The following PCDHAC1 variants were observed in gnomAD, a reference collection of about 807,000 sequenced individuals.
PCDHAC1 encodes the protein protocadherin alpha subfamily C, 1, also known as protocadherin alpha-C1.
A neutral mutation model predicts 60.0 loss-of-function variants in PCDHAC1; 42 were observed. The observed-to-expected ratio is 0.70, with a 90% CI of 0.55 to 0.90. The LOEUF (loss-of-function observed/expected upper bound fraction) is 0.90, where lower values mean the gene tolerates loss of function less well. Ranked by LOEUF, PCDHAC1 falls within the 40% of genes least tolerant of loss-of-function variation. The probability of loss-of-function intolerance (pLI) is 0.00; values close to 1 mark genes in which losing one functional copy is unlikely to be tolerated. For missense variants in PCDHAC1, 1,160 were observed against 1,222.3 expected, an observed-to-expected ratio of 0.95 and a Z score of 0.76; for synonymous variants, 468 against 499.3, an observed-to-expected ratio of 0.94 and a Z score of 0.84.
intron 2 of PCDHAC1, among the ~76,000 whole-genome samples, chr5:140,981,529 G>A (rs1014315292): frequency 3.9e-5 from 6 of 152,196 alleles, no homozygotes; most frequent in East Asian, 1.9e-4. Flanking sequence ...AGCTGAGATC[G>A]TGCCACTGTA....
intron 1 of PCDHAC1, among the ~76,000 whole-genome samples, chr5:140,932,118 A>C (rs2088050775): frequency 6.6e-6 from 1 of 151,946 alleles, no homozygotes; most frequent in African/African-American, 2.4e-5. Flanking sequence ...CCAATTGATA[A>C]TATTTAAGAT....
rs571694728 is a variant in PCDHAC1, at chr5:140,949,343, CTG to C, written c.2433+20022_2433+20023del. Among the ~76,000 whole-genome samples the C allele has an allele frequency of 8.0e-4, 121 of 151,818 alleles. 1 individual carries two copies. Among genetic ancestry groups the C allele is most frequent in the Admixed American group, 3.5e-3 (54 of 15,258 alleles). On this transcript the variant is annotated intron_variant, in intron 1 of 3. Transcript: ENST00000253807. ...TATAAATTATTGTTATCCAGATTTT[CTG>C]TGTCTTTATTTTTTTGTCTAGTTGT...
At chr5:140,981,289 C>G (rs1554242771) in intron 2 of PCDHAC1, among the ~76,000 whole-genome samples, 1 of 152,138 alleles carries the variant, frequency 6.6e-6, no homozygotes, top group Non-Finnish European at 1.5e-5. Flanking sequence ...AAAGGGTCCT[C>G]TAGTCTAGGT....
In PCDHAC1 at chr5:140,928,149, T is replaced by G. The variant is rs782254175; in HGVS notation, c.1257T>G (p.Asp419Glu). 3 of 1,614,194 alleles carry G rather than the reference T, an allele frequency of 1.9e-6. No homozygotes were observed. The highest frequency in any genetic ancestry group is 2.5e-6 in the Non-Finnish European group (3 of 1,180,046). ...ACCAAGTCCTGATCACGGCCTCAGA[T>G]AGTGGCTCACCCCCACTTAGCACCC... ...SEYQVLITAS[D>E]SGSPPLSTRR... Residue 419 changes from aspartate to glutamate, a missense_variant, in exon 1 of 4, where the codon GAT becomes GAG. Physicochemically the swap from Asp to Glu is conservative, Grantham distance 45. This residue lies in a region of PCDHAC1 where 1,113 missense variants were observed against 1,163.7 expected (regional missense o/e 0.96). Coordinates refer to ENST00000253807, the MANE Select transcript of PCDHAC1 (RefSeq NM_018898.5).
At chr5:140,994,433 T>G (rs2097622592) in intron 3 of PCDHAC1, among the ~76,000 whole-genome samples, 1 of 152,204 alleles carries the variant, frequency 6.6e-6, no homozygotes, top group African/African-American at 2.4e-5. Flanking sequence ...CCGGGCGCAG[T>G]GGCTCACACC....
chr5:140,952,192 G>T (rs572613863), intron 1 of PCDHAC1, among the ~76,000 whole-genome samples: 3 of 152,080 alleles, frequency 2.0e-5, no homozygotes, highest in Non-Finnish European at 4.4e-5. Context: ...TCATGGGTTG[G>T]TGTTGAATGC....
At chr5:140,995,559 A>G (rs2097689300) in intron 3 of PCDHAC1, among the ~76,000 whole-genome samples, 1 of 152,242 alleles carries the variant, frequency 6.6e-6, no homozygotes, top group South Asian at 2.1e-4. Context: ...TGTACTGAAT[A>G]ATATGTCAAG....
At chr5:141,003,173 G>A (rs782452600) in intron 3 of PCDHAC1, among the ~76,000 whole-genome samples, 6 of 152,174 alleles carry the variant, frequency 3.9e-5, no homozygotes, top group Non-Finnish European at 5.9e-5. Context: ...AGTCCCTGAG[G>A]CTCAACTCCA....
At chr5:140,997,688 G>C (rs1232415745) in intron 3 of PCDHAC1, among the ~76,000 whole-genome samples, 1 of 151,990 alleles carries the variant, frequency 6.6e-6, no homozygotes, top group Non-Finnish European at 1.5e-5. Context: ...GTGTGTGTGT[G>C]TGTGTGTGTA....
At chr5:140,981,583 T>TA (rs2096939530) in intron 2 of PCDHAC1, among the ~76,000 whole-genome samples, 1 of 152,098 alleles carries the variant, frequency 6.6e-6, no homozygotes, top group Non-Finnish European at 1.5e-5. Flanking sequence ...CAAAAATAAA[T>TA]AAAATAAAAC....
Position 141,009,626 on chromosome 5 carries a change from G to C in PCDHAC1, c.2582-1G>C, listed in dbSNP as rs782621388. The C allele has an allele frequency of 1.9e-6, 3 of 1,612,816 alleles. No individual in the cohort carries two copies. Among genetic ancestry groups the C allele is most frequent in the Non-Finnish European group, 2.5e-6 (3 of 1,179,228 alleles). On this transcript the variant is annotated splice_acceptor_variant, in intron 3 of 3. Transcript: ENST00000253807. LOFTEE classifies it high-confidence loss of function. ...ATGATTTGTAATGTTTTGTCTTTCA[G>C]AACCAGAGGCAGGAGAAGTGTCCCC...
intron 3 of PCDHAC1, among the ~76,000 whole-genome samples, chr5:141,006,727 G>A (rs2098285106): frequency 6.6e-6 from 1 of 152,080 alleles, no homozygotes. Context: ...AGAAATGACA[G>A]GTCTTGATGA....
intron 3 of PCDHAC1, among the ~76,000 whole-genome samples, chr5:141,000,383 CTCTCTCTCTCTCTATA>C (rs1346959358): frequency 3.2e-5 from 2 of 63,198 alleles, no homozygotes; most frequent in African/African-American, 1.4e-4. Context: ...CTCTCTCTCT[CTCTCTCTCTCTCTATA>C]TATATATATA....
intron 1 of PCDHAC1, among the ~76,000 whole-genome samples, chr5:140,960,335 G>T (rs1362472967): frequency 1.3e-5 from 2 of 152,148 alleles, no homozygotes; most frequent in African/African-American, 4.8e-5. Context: ...AGAAGTACAT[G>T]AGGTGAGATA....
At chr5:140,982,447 C>G (rs782801484) in intron 2 of PCDHAC1, 28 bp from the exon 3 acceptor site, 1 of 1,613,782 alleles carries the variant, frequency 6.2e-7, no homozygotes, top group South Asian at 1.1e-5. Flanking sequence ...ATGATCTAAC[C>G]GTTATCTGGG....
chr5:140,967,998 G>A lies in PCDHAC1; in HGVS notation c.2434-10951G>A, dbSNP rs1554230183. The A allele has an allele frequency of 1.9e-6, 3 of 1,614,040 alleles. No individual in the cohort carries two copies. Among genetic ancestry groups the A allele is most frequent in the African/African-American group, 1.3e-5 (1 of 74,916 alleles). The stretch of plus-strand genomic sequence containing the variant: ...GGTCTGGAGGCCACACTGCCTTTCC[G>A]ACTGAATGGCTTTGGAAACTCCTAT... On this transcript the variant is annotated intron_variant, in intron 1 of 3. Transcript: ENST00000253807.
At chr5:140,966,802 G>A in intron 1 of PCDHAC1, 4 of 1,542,100 alleles carry the variant, frequency 2.6e-6, no homozygotes, top group Non-Finnish European at 2.6e-6. Context: ...CGGCGACAGA[G>A]CATCCACGGC....
chr5:140,973,078 C>T (rs111586419), intron 1 of PCDHAC1, among the ~76,000 whole-genome samples: 5,544 of 152,208 alleles, frequency 0.036, 303 homozygotes, highest in African/African-American at 0.12. Context: ...GTGGGCCCAG[C>T]TGGCACAACA....
At position 140,928,569 on chromosome 5, in the gene PCDHAC1, GCCCAGAAATGGTTCTGT is replaced by G; in HGVS notation, c.1683_1699del (p.Arg561SerfsTer23). 6.2e-7 allele frequency: 1 copy of G among 1,614,202 alleles called. No individual in the cohort carries two copies. Among genetic ancestry groups the G allele is most frequent in the Non-Finnish European group, 8.5e-7 (1 of 1,180,034 alleles). On this transcript the variant is annotated frameshift_variant, in exon 1 of 4. Transcript: ENST00000253807. LOFTEE classifies it high-confidence loss of function. The stretch of plus-strand genomic sequence containing the variant: ...ATTATCCGGTTATCTTGTTTCCCTT[GCCCAGAAATGGTTCTGT>G]CCCAGTGGAAATTGTGCCCCGCTCT...
Sources: allele counts gnomAD v4.1 joint callset (sites outside exome capture counted in the v4.1 genomes callset), GRCh38; gene constraint gnomAD v4.1.1; regional missense constraint gnomAD v4.1.1; transcripts MANE v1.5; gene names NCBI Gene and HGNC (gene_info 2026-07-23, HGNC 2026-07-21).